The following DOK6 variants were observed in gnomAD, a reference collection of about 807,000 sequenced individuals.
The protein encoded by DOK6 is downstream of tyrosine kinase 6.
Under a neutral mutation model 44.0 loss-of-function variants are expected in DOK6, and 22 were observed. That is an observed-to-expected ratio of 0.50 (90% CI 0.36 to 0.71). The LOEUF (loss-of-function observed/expected upper bound fraction) is 0.71. Among genes scored for constraint, DOK6 ranks in the 30% least tolerant of loss-of-function variants. The pLI is 0.00. For synonymous variants in DOK6, 166 were observed against 145.5 expected (o/e 1.14, Z -1.01); for missense variants, 340 against 416.4 (o/e 0.82, Z 1.60).
chr18:69,757,985 T>C (rs1979416491), intron 7 of DOK6, 112 bp downstream of exon 7: 1 of 923,282 alleles, frequency 1.1e-6, no homozygotes, highest in South Asian at 1.4e-5. Flanking sequence ...CATTCCCATT[T>C]ATCAGCTGTC....
chr18:69,575,702 A>G (rs374655040), intron 2 of DOK6, among the ~76,000 whole-genome samples: 136 of 152,302 alleles, frequency 8.9e-4, no homozygotes, highest in African/African-American at 3.2e-3. Flanking sequence ...GTAATTATCA[A>G]TACTATGTAA....
At chr18:69,534,713 AC>A in intron 1 of DOK6, among the ~76,000 whole-genome samples, 1 of 148,840 alleles carries the variant, frequency 6.7e-6, no homozygotes, top group Non-Finnish European at 1.5e-5. Context: ...AATAGTTTCC[AC>A]TCGTTCCTTT....
chr18:69,800,434 T>C (rs1980871044), intron 7 of DOK6, among the ~76,000 whole-genome samples: 1 of 152,190 alleles, frequency 6.6e-6, no homozygotes, highest in Non-Finnish European at 1.5e-5. Context: ...GGAAAAGATA[T>C]TAAGTGCTAT....
In DOK6 at chr18:69,457,218, T is replaced by G. The variant is rs534572474; in HGVS notation, c.66+55908T>G. Among the ~76,000 whole-genome samples the G allele has an allele frequency of 1.8e-4, 28 of 152,340 alleles. 1 individual carries two copies. The South Asian group carries it at 5.4e-3, about 29-fold the overall frequency. On this transcript the variant is annotated intron_variant, in intron 1 of 7. Coordinates refer to ENST00000382713, the MANE Select transcript of DOK6 (RefSeq NM_152721.6). ...TTTTGGGGACTTAGCCAAAAATTCT[T>G]TGCCAAGACCAACATTAAGAAGGCT...
intron 1 of DOK6, among the ~76,000 whole-genome samples, chr18:69,485,869 G>A (rs1434743427): frequency 1.7e-5 from 2 of 119,168 alleles, no homozygotes; most frequent in East Asian, 4.8e-4. Context: ...CATATATATA[G>A]TATACGTATA....
intron 1 of DOK6, among the ~76,000 whole-genome samples, chr18:69,510,230 G>A (rs909637265): frequency 1.3e-5 from 2 of 152,186 alleles, no homozygotes; most frequent in Non-Finnish European, 2.9e-5. Context: ...AATTGGAGCT[G>A]CTGGATATTG....
intron 1 of DOK6, among the ~76,000 whole-genome samples, chr18:69,442,178 G>A (rs559897441): frequency 6.6e-6 from 1 of 151,822 alleles, no homozygotes; most frequent in Non-Finnish European, 1.5e-5. Flanking sequence ...GGATCAATTT[G>A]TTCATTTTAT....
At chr18:69,426,459 A>T (rs117571381) in intron 1 of DOK6, among the ~76,000 whole-genome samples, 5,558 of 152,274 alleles carry the variant, frequency 0.036, 165 homozygotes, top group Non-Finnish European at 0.05. Flanking sequence ...ACAAATGTTG[A>T]AATGGGATCT....
intron 7 of DOK6, among the ~76,000 whole-genome samples, chr18:69,795,586 G>A (rs1436108900): frequency 6.6e-6 from 1 of 152,154 alleles, no homozygotes; most frequent in Non-Finnish European, 1.5e-5. Flanking sequence ...GTGAGAACAA[G>A]GTTCCAGTTC....
chr18:69,591,348 G>GAA (rs992894360), intron 2 of DOK6, among the ~76,000 whole-genome samples: 3 of 151,926 alleles, frequency 2.0e-5, no homozygotes, highest in African/African-American at 7.2e-5. Flanking sequence ...GTTACTTAAA[G>GAA]AAAAAAACAG....
intron 1 of DOK6, among the ~76,000 whole-genome samples, chr18:69,420,514 T>A (rs904746786): frequency 6.6e-6 from 1 of 152,128 alleles, no homozygotes; most frequent in Non-Finnish European, 1.5e-5. Flanking sequence ...AATTATACTT[T>A]AAGTTCTAGG....
intron 7 of DOK6, among the ~76,000 whole-genome samples, chr18:69,833,115 G>A (rs988778196): frequency 1.1e-4 from 17 of 152,126 alleles, no homozygotes; most frequent in South Asian, 6.2e-4. Flanking sequence ...AAGCTATCCT[G>A]AGCAAAAAGA....
At chr18:69,455,212 C>G (rs1164536861) in intron 1 of DOK6, among the ~76,000 whole-genome samples, 1 of 135,434 alleles carries the variant, frequency 7.4e-6, no homozygotes, top group Non-Finnish European at 1.6e-5. Flanking sequence ...AAAGAAAAAC[C>G]AAGCTGAAAT....
chr18:69,568,679 C>A (rs542820019), intron 2 of DOK6, among the ~76,000 whole-genome samples: 4 of 152,284 alleles, frequency 2.6e-5, no homozygotes, highest in South Asian at 2.1e-4. Context: ...GGCAAGGGAG[C>A]AAAGCTTCAT....
At chr18:69,421,560 C>A (rs892369758) in intron 1 of DOK6, among the ~76,000 whole-genome samples, 5 of 152,092 alleles carry the variant, frequency 3.3e-5, no homozygotes, top group Admixed American at 3.3e-4. Flanking sequence ...ACCATTTTAC[C>A]TATTGATATT....
intron 7 of DOK6, among the ~76,000 whole-genome samples, chr18:69,819,809 T>C (rs893307742): frequency 6.6e-6 from 1 of 152,194 alleles, no homozygotes; most frequent in Non-Finnish European, 1.5e-5. Flanking sequence ...TATAATGTCC[T>C]CCAGATTCAT....
chr18:69,623,680 A>G (rs1984494200), intron 3 of DOK6, among the ~76,000 whole-genome samples: 1 of 152,204 alleles, frequency 6.6e-6, no homozygotes, highest in African/African-American at 2.4e-5. Flanking sequence ...TATTTATTGA[A>G]TGCTACTGTG....
At chr18:69,784,535 G>A (rs1256324443) in intron 7 of DOK6, among the ~76,000 whole-genome samples, 1 of 151,520 alleles carries the variant, frequency 6.6e-6, no homozygotes, top group Non-Finnish European at 1.5e-5. Flanking sequence ...ATTTATTATT[G>A]CAAGTAAAAT....
chr18:69,406,747 G>A (rs1331907629), intron 1 of DOK6, among the ~76,000 whole-genome samples: 1 of 152,138 alleles, frequency 6.6e-6, no homozygotes, highest in East Asian at 1.9e-4. Flanking sequence ...CACAGTAATG[G>A]TGAATATTTT....
Sources: allele counts gnomAD v4.1 joint callset (sites outside exome capture counted in the v4.1 genomes callset), GRCh38; gene constraint gnomAD v4.1.1; transcripts MANE v1.5; gene names NCBI Gene and HGNC (gene_info 2026-07-23, HGNC 2026-07-21).